GIMD1: variants seen among roughly 807,000 people sequenced by gnomAD.
GIMD1 encodes the protein GIMAP family P-loop NTPase domain containing 1, also known as GTPase IMAP family member GIMD1.
A neutral mutation model predicts 14.9 loss-of-function variants in GIMD1; 14 were observed. That is an observed-to-expected ratio of 0.94 (90% CI 0.62 to 1.47). The LOEUF (loss-of-function observed/expected upper bound fraction) is 1.47, where lower values mean the gene tolerates loss of function less well. Ranked by LOEUF, GIMD1 falls within the 40% of genes most tolerant of loss-of-function variation. The probability of loss-of-function intolerance (pLI) is 0.00; values close to 1 mark genes in which losing one functional copy is unlikely to be tolerated. For synonymous variants in GIMD1, 91 were observed against 90.5 expected, an observed-to-expected ratio of 1.01 and a Z score of -0.03; for missense variants, 272 against 255.3, an observed-to-expected ratio of 1.07 and a Z score of -0.44.
In GIMD1 at chr4:106,357,957, G is replaced by A. The variant is rs1770556315; in HGVS notation, c.*226C>T. 2 of 398,696 alleles carry A rather than the reference G, an allele frequency of 5.0e-6. No individual in the cohort carries two copies. Among genetic ancestry groups the A allele is most frequent in the Admixed American group, 4.3e-5 (1 of 23,150 alleles). 24.7% of individuals were successfully genotyped at this position (398,696 alleles called of 1,614,324 possible). A position where few individuals can be genotyped will look rare whatever the true frequency, so the allele number is the denominator to read the frequency against. ...TACACAAATGTACACATTTATGTTG[G>A]GTATACACTTAGGAGTGTAATTGCT... is the stretch of plus-strand genomic sequence containing the variant. On this transcript the variant is annotated 3_prime_UTR_variant, in exon 3 of 3. Coordinates refer to ENST00000638719, the MANE Select transcript of GIMD1 (RefSeq NM_001195138.2).
At chr4:106,364,585 C>T (rs1284388788) in intron 2 of GIMD1, among the ~76,000 whole-genome samples, 1 of 152,138 alleles carries the variant, frequency 6.6e-6, no homozygotes, top group Non-Finnish European at 1.5e-5. Flanking sequence ...TGACCATCAA[C>T]CAAAGACCGT....
At chr4:106,359,752 G>C (rs183108798) in intron 2 of GIMD1, among the ~76,000 whole-genome samples, 1 of 151,698 alleles carries the variant, frequency 6.6e-6, no homozygotes, top group Admixed American at 6.6e-5. Context: ...GAAGAAAGGA[G>C]AAAGGAAGGA....
At chr4:106,366,095 T>A (rs1770695417) in intron 2 of GIMD1, among the ~76,000 whole-genome samples, 1 of 151,954 alleles carries the variant, frequency 6.6e-6, no homozygotes, top group Non-Finnish European at 1.5e-5. Context: ...GCAAACAAAT[T>A]GGAATAGACC....
At chr4:106,364,879 T>C (rs1770671458) in intron 2 of GIMD1, among the ~76,000 whole-genome samples, 3 of 152,180 alleles carry the variant, frequency 2.0e-5, no homozygotes, top group Admixed American at 2.0e-4. Flanking sequence ...GACTCACAGA[T>C]GACATTATTG....
chr4:106,366,899 T>C (rs1770707628), intron 2 of GIMD1, 144 bp downstream of exon 2: 2 of 281,248 alleles, frequency 7.1e-6, no homozygotes, highest in South Asian at 3.1e-4. Context: ...TGACCAACAC[T>C]TAGTTGTATA....
At chr4:106,362,329 A>C (rs971607218) in intron 2 of GIMD1, among the ~76,000 whole-genome samples, 1 of 152,136 alleles carries the variant, frequency 6.6e-6, no homozygotes, top group African/African-American at 2.4e-5. Flanking sequence ...TTAGTGGCCA[A>C]ACATGTTCTC....
intron 2 of GIMD1, among the ~76,000 whole-genome samples, chr4:106,366,562 CCTGA>C (rs1490698484): frequency 2.0e-5 from 3 of 152,264 alleles, no homozygotes; most frequent in Admixed American, 6.5e-5. Flanking sequence ...GGTTCTACGA[CCTGA>C]CTGTTTTTGA....
intron 2 of GIMD1, among the ~76,000 whole-genome samples, chr4:106,364,778 T>G (rs769882676): frequency 6.6e-6 from 1 of 152,154 alleles, no homozygotes; most frequent in Non-Finnish European, 1.5e-5. Context: ...TGCATACTGA[T>G]TTGGAAGGCA....
intron 2 of GIMD1, among the ~76,000 whole-genome samples, chr4:106,361,747 T>C (rs1770616007): frequency 6.6e-6 from 1 of 151,940 alleles, no homozygotes; most frequent in Non-Finnish European, 1.5e-5. Context: ...TAGATCATAC[T>C]TGTTATTAAA....
In GIMD1 at chr4:106,358,033, C is replaced by T; in HGVS notation, c.*150G>A. On this transcript the variant is annotated 3_prime_UTR_variant, in exon 3 of 3. Coordinates refer to ENST00000638719, the MANE Select transcript of GIMD1 (RefSeq NM_001195138.2). Reference sequence around the variant, plus strand: ...CTTGAATCATTGATGTTCTTTTTAACTTCTAGTTTTCCAAAGTGGTTATAC... The same window carrying T: ...CTTGAATCATTGATGTTCTTTTTAATTTCTAGTTTTCCAAAGTGGTTATAC... 1 of 545,586 alleles carries T rather than the reference C, an allele frequency of 1.8e-6. No homozygotes were observed. Among genetic ancestry groups the T allele is most frequent in the South Asian group, 2.6e-5 (1 of 37,764 alleles). The allele number at this position is 545,586 out of a possible 1,614,324, so 33.8% of individuals were successfully genotyped here. A position where few individuals can be genotyped will look rare whatever the true frequency, so the allele number is the denominator to read the frequency against.
intron 2 of GIMD1, among the ~76,000 whole-genome samples, chr4:106,365,765 G>A (rs1770688079): frequency 6.6e-6 from 1 of 152,058 alleles, no homozygotes; most frequent in African/African-American, 2.4e-5. Context: ...ATAGAATAGA[G>A]CAGCTCAATG....
chr4:106,360,167 C>T (rs1770593242), intron 2 of GIMD1, among the ~76,000 whole-genome samples: 1 of 151,814 alleles, frequency 6.6e-6, no homozygotes, highest in South Asian at 2.1e-4. Context: ...AGTTTATCAT[C>T]ATGAATTTGC....
At chr4:106,366,929 A>T in intron 2 of GIMD1, 114 bp downstream of exon 2, 1 of 325,634 alleles carries the variant, frequency 3.1e-6, no homozygotes, top group Non-Finnish European at 4.9e-6. Flanking sequence ...GTACTATATT[A>T]TTATATACTA....
At chr4:106,362,998 G>A (rs572549304) in intron 2 of GIMD1, among the ~76,000 whole-genome samples, 133 of 152,042 alleles carry the variant, frequency 8.7e-4, no homozygotes, top group Non-Finnish European at 1.5e-3. Flanking sequence ...CTAAATTGGG[G>A]CTCTTCAATT....
In GIMD1 at chr4:106,367,913, A is replaced by G. The variant is rs1347202987; in HGVS notation, c.-2-476T>C. Among the ~76,000 whole-genome samples the G allele has an allele frequency of 5.3e-5, 8 of 152,270 alleles. No individual in the cohort carries two copies. The South Asian group carries it at 1.7e-3, about 32-fold the overall frequency. On this transcript the variant is annotated intron_variant, in intron 1 of 2. Coordinates refer to ENST00000638719, the MANE Select transcript of GIMD1 (RefSeq NM_001195138.2). ...TTCTTGCTTTCTAACAACATCCCCC[A>G]TCTTCCCACTTCCCGACCCACTGCC...
chr4:106,362,814 T>C (rs934347294), intron 2 of GIMD1, among the ~76,000 whole-genome samples: 5 of 152,108 alleles, frequency 3.3e-5, no homozygotes, highest in Non-Finnish European at 7.4e-5. Context: ...AGCTGAATGA[T>C]AATTTCTCAT....
rs903744576 is a variant in GIMD1 at position 106,367,033 on chromosome 4, T to C, written c.393+10A>G. On this transcript the variant is annotated intron_variant, in intron 2 of 2. Transcript: ENST00000638719. ...ATAATGGCATTAGTGTAATTGCATCTTAGTATTACCTGGATCATCTGGACT... is the reference window on the plus strand; with the variant it reads ...ATAATGGCATTAGTGTAATTGCATCCTAGTATTACCTGGATCATCTGGACT... 5.4e-6 allele frequency: 8 copies of C among 1,476,018 alleles called. No homozygotes were observed. In the African/African-American group the frequency reaches 1.1e-4, roughly 21 times the overall value. The allele number at this position is 1,476,018 out of a possible 1,614,324, so 91.4% of individuals were successfully genotyped here.
In GIMD1 at chr4:106,360,365, A is replaced by G. The variant is rs72660547; in HGVS notation, c.394-1922T>C. Among the ~76,000 whole-genome samples, 1,436 of 152,206 alleles carry G rather than the reference A, an allele frequency of 9.4e-3. 6 individuals carry two copies. The highest frequency in any genetic ancestry group is 0.015 in the Non-Finnish European group (1,003 of 67,986). ...TATTAGGGAATAATTACTGTAATAG[A>G]TTATAAACTTTAAAAAATAAATTTT... On this transcript the variant is annotated intron_variant, in intron 2 of 2. Coordinates refer to ENST00000638719, the MANE Select transcript of GIMD1 (RefSeq NM_001195138.2).
At chr4:106,364,033 C>T (rs191147291) in intron 2 of GIMD1, among the ~76,000 whole-genome samples, 1 of 152,020 alleles carries the variant, frequency 6.6e-6, no homozygotes, top group Non-Finnish European at 1.5e-5. Context: ...AAATGAGATT[C>T]CAGATAATAT....
Sources: allele counts gnomAD v4.1 joint callset (sites outside exome capture counted in the v4.1 genomes callset), GRCh38; gene constraint gnomAD v4.1.1; transcripts MANE v1.5; gene names NCBI Gene and HGNC (gene_info 2026-07-23, HGNC 2026-07-21).